Variants in PHLDB3 observed in about 807,000 individuals in gnomAD.
The protein encoded by PHLDB3 is pleckstrin homology-like domain family B member 3.
PHLDB3 carries 86 observed loss-of-function variants against 85.7 expected under a neutral mutation model. The ratio of observed to expected loss-of-function variants is 1.00; its 90% confidence interval spans 0.84 to 1.20. The LOEUF (loss-of-function observed/expected upper bound fraction) is 1.20. Among genes scored for constraint, PHLDB3 ranks in the 50% most tolerant of loss-of-function variants. The probability of loss-of-function intolerance (pLI) is 0.00; values close to 1 mark genes in which losing one functional copy is unlikely to be tolerated. For synonymous variants in PHLDB3, 376 were observed against 349.8 expected (o/e 1.07, Z -0.83); for missense variants, 995 against 873.0 (o/e 1.14, Z -1.76).
At chr19:43,481,983 C>CCCAAAT (rs917151523) in intron 13 of PHLDB3, among the ~76,000 whole-genome samples, 16 of 151,986 alleles carry the variant, frequency 1.1e-4, no homozygotes, top group Admixed American at 3.3e-4. Context: ...CTGCAATCTC[C>CCCAAAT]CCAAATCCAC....
chr19:43,476,367 G>A (rs865961849), intron 15 of PHLDB3, among the ~76,000 whole-genome samples: 10 of 152,242 alleles, frequency 6.6e-5, no homozygotes, highest in South Asian at 4.1e-4. Context: ...CAGGCCGGCC[G>A]GGCTGGGTGG....
intron 5 of PHLDB3, 130 bp from the exon 6 acceptor site, chr19:43,497,409 G>C: frequency 7.3e-6 from 6 of 821,108 alleles, no homozygotes; most frequent in Non-Finnish European, 1.1e-5. Context: ...TCCTGGGGAG[G>C]AGGGGGCTAA....
chr19:43,478,295 C>T (rs1448122489), intron 14 of PHLDB3, among the ~76,000 whole-genome samples, 163 bp from the exon 15 acceptor site: 3 of 152,020 alleles, frequency 2.0e-5, no homozygotes, highest in African/African-American at 7.3e-5. Flanking sequence ...TGAATGTTAA[C>T]GCTGGATGGG....
At chr19:43,481,390 G>T (rs930366375) in intron 13 of PHLDB3, among the ~76,000 whole-genome samples, 14 of 152,198 alleles carry the variant, frequency 9.2e-5, no homozygotes, top group Non-Finnish European at 7.3e-5. Context: ...AAGCCAAGGT[G>T]GGGGGATCAC....
At chr19:43,478,173 G>T in intron 14 of PHLDB3, 41 bp from the exon 15 acceptor site, 1 of 1,519,830 alleles carries the variant, frequency 6.6e-7, no homozygotes, top group Non-Finnish European at 9.1e-7. Context: ...CAGTGAGAAA[G>T]GTGTGTCTGT....
chr19:43,504,137 G>A lies in PHLDB3; in HGVS notation c.-14-5C>T, dbSNP rs1971693435. On this transcript the variant is annotated splice_polypyrimidine_tract_variant and splice_region_variant and intron_variant, in intron 1 of 15. Transcript: ENST00000292140. ...TCCCCATGGCCGCTGGGACTCCTGCGGGGTGGGCGGGACCAGAAGCTCCGG... is the reference window on the plus strand; with the variant it reads ...TCCCCATGGCCGCTGGGACTCCTGCAGGGTGGGCGGGACCAGAAGCTCCGG... 6.4e-7 allele frequency: 1 copy of A among 1,567,834 alleles called. No individual in the cohort carries two copies.
chr19:43,489,369 GTTTTT>G (rs57304377), intron 9 of PHLDB3, among the ~76,000 whole-genome samples: 2 of 140,362 alleles, frequency 1.4e-5, no homozygotes, highest in Admixed American at 7.3e-5. Flanking sequence ...ATCTCTTAAA[GTTTTT>G]TTTTTTTTTT....
At chr19:43,481,798 AAAAAAAAAG>A (rs1386700546) in intron 13 of PHLDB3, among the ~76,000 whole-genome samples, 2 of 151,688 alleles carry the variant, frequency 1.3e-5, no homozygotes, top group African/African-American at 4.8e-5. Flanking sequence ...TGTCTCAAAA[AAAAAAAAAG>A]AAAGAAAAGA....
At position 43,477,807 on chromosome 19, in the gene PHLDB3, TA is replaced by T. The variant is rs372039420; in HGVS notation, c.1788+239del. ...TGGGCGACAGAATGAGACTCTGTCT[TA>T]AAAAAAAAAAAAAAGAAGAAAATTA... On this transcript the variant is annotated intron_variant, in intron 15 of 15. Coordinates refer to ENST00000292140, the MANE Select transcript of PHLDB3 (RefSeq NM_198850.4). Among the ~76,000 whole-genome samples the T allele has an allele frequency of 4.9e-3, 686 of 139,766 alleles. 2 individuals carry two copies. Among genetic ancestry groups the T allele is most frequent in the East Asian group, 8.2e-3 (40 of 4,892 alleles). 91.7% of individuals were successfully genotyped at this position (139,766 alleles called of 152,430 possible). A position where few individuals can be genotyped will look rare whatever the true frequency, so the allele number is the denominator to read the frequency against.
chr19:43,504,219 C>T (rs185938617), intron 1 of PHLDB3, 87 bp from the exon 2 acceptor site: 19 of 1,215,966 alleles, frequency 1.6e-5, no homozygotes, highest in East Asian at 2.6e-5. Context: ...CGCGGAGACC[C>T]CCCCCCAAGG....
intron 9 of PHLDB3, 125 bp from the exon 10 acceptor site, chr19:43,487,248 T>A (rs1404182874): frequency 3.2e-5 from 24 of 755,236 alleles, no homozygotes; most frequent in Non-Finnish European, 4.7e-5. Flanking sequence ...ATGTGCTGAG[T>A]GAAAGGACCT....
chr19:43,481,040 TTGTTAAAA>T (rs1262158120), intron 13 of PHLDB3, among the ~76,000 whole-genome samples: 1 of 152,124 alleles, frequency 6.6e-6, no homozygotes, highest in East Asian at 1.9e-4. Flanking sequence ...GCTGGGGATT[TTGTTAAAA>T]TGTTAAAATG....
In PHLDB3 at chr19:43,479,405, G is replaced by A; in HGVS notation, c.1674C>T (p.Arg558=). ...TWRKRWFCFD[R]QARRLAYYAD... ...CATAGTAGGCCAAGCGGCGGGCTTG[G>A]CGGTCAAAGCAGAACCATCGCTTCC... The change falls in exon 14 of 16, where the codon CGC becomes CGT. Residue 558 remains arginine, a synonymous_variant. Coordinates refer to ENST00000292140, the MANE Select transcript of PHLDB3 (RefSeq NM_198850.4). 1 of 1,563,660 alleles carries A rather than the reference G, an allele frequency of 6.4e-7. No individual in the cohort carries two copies. The highest frequency in any genetic ancestry group is 8.7e-7 in the Non-Finnish European group (1 of 1,154,688).
rs769983396 is a variant in PHLDB3, at chr19:43,479,378, C to A, written c.1701G>T (p.Ala567=). ...DRQARRLAYY[A]DKEETKLKGV... Reference sequence around the variant, plus strand: ...CCATGGTGGCCAGGCTGGGCTTACCCGCATAGTAGGCCAAGCGGCGGGCTT... The same window carrying A: ...CCATGGTGGCCAGGCTGGGCTTACCAGCATAGTAGGCCAAGCGGCGGGCTT... Residue 567 remains alanine (A), a splice_region_variant and synonymous_variant, in exon 14 of 16, where the codon GCG becomes GCT. Transcript: ENST00000292140. 6.4e-7 allele frequency: 1 copy of A among 1,559,910 alleles called. No homozygotes were observed. Among genetic ancestry groups the A allele is most frequent in the Admixed American group, 1.9e-5 (1 of 51,944 alleles).
chr19:43,489,089 C>A (rs932239737), intron 9 of PHLDB3, among the ~76,000 whole-genome samples: 1 of 151,878 alleles, frequency 6.6e-6, no homozygotes, highest in South Asian at 2.1e-4. Flanking sequence ...CGTGAGCCAC[C>A]GCACCCAAGT....
At chr19:43,488,802 C>CTT (rs1568478140) in intron 9 of PHLDB3, among the ~76,000 whole-genome samples, 1 of 149,586 alleles carries the variant, frequency 6.7e-6, no homozygotes, top group Non-Finnish European at 1.5e-5. Flanking sequence ...CTCCATAGAC[C>CTT]ATTTTTTTTT....
Position 43,495,353 on chromosome 19 carries a change from T to A in PHLDB3, c.952-14A>T. On this transcript the variant is annotated splice_polypyrimidine_tract_variant and intron_variant, in intron 7 of 15. Coordinates refer to ENST00000292140, the MANE Select transcript of PHLDB3 (RefSeq NM_198850.4). ...CCGGCTCCGTTCCTACCAGAAGATA[T>A]GGACAGCTACGTGTCAAAGTCAGAA... 1 of 1,612,152 alleles carries A rather than the reference T, an allele frequency of 6.2e-7. No individual in the cohort carries two copies. The highest frequency in any genetic ancestry group is 8.5e-7 in the Non-Finnish European group (1 of 1,179,050).
At chr19:43,476,134 C>T (rs1471113639) in intron 15 of PHLDB3, among the ~76,000 whole-genome samples, 1 of 152,154 alleles carries the variant, frequency 6.6e-6, no homozygotes, top group African/African-American at 2.4e-5. Context: ...CTTCTCTCAG[C>T]CTAACTTCTC....
chr19:43,479,338 C>G (rs1357275039), intron 14 of PHLDB3, 39 bp downstream of exon 14: 1 of 1,542,458 alleles, frequency 6.5e-7, no homozygotes. Flanking sequence ...GAGTGGAATT[C>G]CAGCGTCCTG....
Sources: allele counts gnomAD v4.1 joint callset (sites outside exome capture counted in the v4.1 genomes callset), GRCh38; gene constraint gnomAD v4.1.1; transcripts MANE v1.5; gene names NCBI Gene and HGNC (gene_info 2026-07-23, HGNC 2026-07-21).